Variants in PCDHGA9 observed in about 807,000 individuals in gnomAD.
PCDHGA9 encodes protocadherin gamma-A9.
PCDHGA9 carries 37 observed loss-of-function variants against 62.5 expected under a neutral mutation model. That is an observed-to-expected ratio of 0.59 (90% CI 0.46 to 0.78). The LOEUF is 0.78. Among genes scored for constraint, PCDHGA9 ranks in the 30% least tolerant of loss-of-function variants. PCDHGA9 has a pLI of 0.00. For synonymous variants in PCDHGA9, 459 were observed against 484.6 expected (o/e 0.95, Z 0.69); for missense variants, 1,138 against 1,166.2 (o/e 0.98, Z 0.35).
intron 1 of PCDHGA9, chr5:141,409,566 C>T: frequency 2.5e-6 from 4 of 1,613,978 alleles, no homozygotes; most frequent in Middle Eastern, 1.6e-4. Context: ...TTCGACCAGA[C>T]GTCCTACGTG....
chr5:141,433,115 G>T, intron 1 of PCDHGA9: 1 of 1,613,762 alleles, frequency 6.2e-7, no homozygotes, highest in Non-Finnish European at 8.5e-7. Context: ...GGAGAGCTTT[G>T]AAAAAAGCGA....
chr5:141,417,963 A>T (rs1260025037), intron 1 of PCDHGA9: 1 of 1,613,258 alleles, frequency 6.2e-7, no homozygotes, highest in Non-Finnish European at 8.5e-7. Flanking sequence ...CCGATCCGCT[A>T]CTCGATTCCG....
chr5:141,420,036 G>C, intron 1 of PCDHGA9: 1 of 1,614,078 alleles, frequency 6.2e-7, no homozygotes. Context: ...GCAGGAGACT[G>C]CTTTGAGTCA....
In PCDHGA9 at chr5:141,490,498, T is replaced by C. The variant is rs544031284; in HGVS notation, c.2425-4309T>C. On this transcript the variant is annotated intron_variant, in intron 1 of 3. Coordinates refer to ENST00000573521, the MANE Select transcript of PCDHGA9 (RefSeq NM_018921.3). This position sits in a 1 kb window ranked among gnomAD's most constrained non-coding sequence, Gnocchi z 5.4. ...TTTGGACCGGGAGGCCACATCCCAC[T>C]ATATCATCGAGCTGCTGGCCAGCGA... 1.2e-6 allele frequency: 2 copies of C among 1,614,132 alleles called. No individual in the cohort carries two copies. Among genetic ancestry groups the C allele is most frequent in the African/African-American group, 1.3e-5 (1 of 75,038 alleles).
intron 1 of PCDHGA9, among the ~76,000 whole-genome samples, chr5:141,471,039 A>G (rs1175460270): frequency 7.2e-6 from 1 of 137,964 alleles, no homozygotes; most frequent in Non-Finnish European, 1.5e-5. Context: ...TAACAAGCCC[A>G]AGCCCTCTTT....
In PCDHGA9 at chr5:141,432,752, G is replaced by C. The variant is rs1407361813; in HGVS notation, c.2424+27376G>C. On this transcript the variant is annotated intron_variant, in intron 1 of 3. Coordinates refer to ENST00000573521, the MANE Select transcript of PCDHGA9 (RefSeq NM_018921.3). The surrounding 1 kb of genome is among the most constrained non-coding windows in gnomAD (Gnocchi z 6.0). Reference sequence around the variant, plus strand: ...CACTGTCACGCTCACCGTGGCCGTGGCCGACAGCATCCCCCAAGTCCTGGC... The same window carrying C: ...CACTGTCACGCTCACCGTGGCCGTGCCCGACAGCATCCCCCAAGTCCTGGC... 9.3e-6 allele frequency: 15 copies of C among 1,614,024 alleles called. No individual in the cohort carries two copies. The highest frequency in any genetic ancestry group is 1.3e-5 in the Non-Finnish European group (15 of 1,180,008).
At chr5:141,421,185 C>T in intron 1 of PCDHGA9, 1 of 1,463,494 alleles carries the variant, frequency 6.8e-7, no homozygotes, top group Non-Finnish European at 9.1e-7. Flanking sequence ...GATTCACAAC[C>T]AACCAGCTCG....
At chr5:141,427,692 C>A in intron 1 of PCDHGA9, 1 of 903,150 alleles carries the variant, frequency 1.1e-6, no homozygotes, top group Non-Finnish European at 1.8e-6. Context: ...AGCCTCCATC[C>A]CACAAGTCAG....
Position 141,407,977 on chromosome 5 carries a change from G to T in PCDHGA9, c.2424+2601G>T, listed in dbSNP as rs943554200. ...GTGCAGAGCAAGCGCTGACGCCGGG[G>T]ATCCGTCAGCCTCTGGCCTGGGATT... On this transcript the variant is annotated intron_variant, in intron 1 of 3. Coordinates refer to ENST00000573521, the MANE Select transcript of PCDHGA9 (RefSeq NM_018921.3). 65 of 747,656 alleles carry T rather than the reference G, an allele frequency of 8.7e-5. No individual in the cohort carries two copies. The African/African-American group carries it at 1.0e-3, about 12-fold the overall frequency. The allele number at this position is 747,656 out of a possible 1,614,324, so 46.3% of individuals were successfully genotyped here. A position where few individuals can be genotyped will look rare whatever the true frequency, so the allele number is the denominator to read the frequency against.
chr5:141,441,954 C>T, intron 1 of PCDHGA9: 1 of 319,608 alleles, frequency 3.1e-6, no homozygotes, highest in Non-Finnish European at 6.0e-6. Context: ...TGCAGGCCAG[C>T]AAGCCCAGGC....
At chr5:141,441,635 G>T in intron 1 of PCDHGA9, 1 of 226,720 alleles carries the variant, frequency 4.4e-6, no homozygotes, top group Non-Finnish European at 8.9e-6. Flanking sequence ...TGGAGCCACA[G>T]GCGCTGTGAT....
chr5:141,433,162 A>G, intron 1 of PCDHGA9: 1 of 1,613,890 alleles, frequency 6.2e-7, no homozygotes, highest in Non-Finnish European at 8.5e-7. Flanking sequence ...TATTTTCTAA[A>G]GACAGTCATG....
intron 1 of PCDHGA9, among the ~76,000 whole-genome samples, chr5:141,494,338 ACAG>A (rs2099753688): frequency 6.6e-6 from 1 of 152,224 alleles, no homozygotes; most frequent in African/African-American, 2.4e-5. Flanking sequence ...GTTACCAAGA[ACAG>A]CAGCCATCTT....
At chr5:141,484,943 C>T (rs542244720) in intron 1 of PCDHGA9, 14 of 546,098 alleles carry the variant, frequency 2.6e-5, no homozygotes, top group African/African-American at 2.3e-4. Flanking sequence ...GTTCTCTGCT[C>T]AGCCTATTGG....
At chr5:141,497,203 G>C (rs750138875) in intron 2 of PCDHGA9, among the ~76,000 whole-genome samples, 3 of 91,718 alleles carry the variant, frequency 3.3e-5, no homozygotes, top group African/African-American at 2.8e-4. Flanking sequence ...AACAATGTGA[G>C]TGTAATGGGG....
In PCDHGA9 at chr5:141,490,794, C is replaced by G. The variant is rs763933771; in HGVS notation, c.2425-4013C>G. The G allele has an allele frequency of 5.0e-6, 8 of 1,613,976 alleles. No individual in the cohort carries two copies. In the South Asian group the frequency reaches 7.7e-5, roughly 16 times the overall value. ...ACCCAGAGGATGGACGGATCTTTGCCCAGCGTACCTTTGACTATGAATTGC... is the reference window on the plus strand; with the variant it reads ...ACCCAGAGGATGGACGGATCTTTGCGCAGCGTACCTTTGACTATGAATTGC... On this transcript the variant is annotated intron_variant, in intron 1 of 3. Transcript: ENST00000573521. The surrounding 1 kb of genome is among the most constrained non-coding windows in gnomAD (Gnocchi z 5.4).
At chr5:141,480,240 CAAA>C (rs11374694) in intron 1 of PCDHGA9, among the ~76,000 whole-genome samples, 1 of 114,046 alleles carries the variant, frequency 8.8e-6, no homozygotes, top group African/African-American at 3.3e-5. Flanking sequence ...CCTGTCTCTA[CAAA>C]AAAAAAAAAA....
At chr5:141,427,615 A>G (rs1428096450) in intron 1 of PCDHGA9, 2 of 693,732 alleles carry the variant, frequency 2.9e-6, no homozygotes, top group Non-Finnish European at 5.3e-6. Context: ...GGTGAAGTCA[A>G]CGACAATGCT....
At chr5:141,441,757 G>A (rs1423867327) in intron 1 of PCDHGA9, 2 of 381,638 alleles carry the variant, frequency 5.2e-6, no homozygotes, top group Middle Eastern at 6.5e-4. Context: ...GTCAACGTGA[G>A]CCTGCGCGTG....
Sources: allele counts gnomAD v4.1 joint callset (sites outside exome capture counted in the v4.1 genomes callset), GRCh38; gene constraint gnomAD v4.1.1; non-coding constraint Gnocchi (gnomAD v3.1); transcripts MANE v1.5; gene names NCBI Gene and HGNC (gene_info 2026-07-23, HGNC 2026-07-21).